SMURF1: variants seen among roughly 807,000 people sequenced by gnomAD.
The protein encoded by SMURF1 is SMAD specific E3 ubiquitin protein ligase 1.
A neutral mutation model predicts 98.0 loss-of-function variants in SMURF1; 44 were observed. That is an observed-to-expected ratio of 0.45 (90% CI 0.35 to 0.58). The LOEUF (loss-of-function observed/expected upper bound fraction) is 0.58, where lower values mean the gene tolerates loss of function less well. Among genes scored for constraint, SMURF1 ranks in the 20% least tolerant of loss-of-function variants. SMURF1 has a pLI of 0.00. For missense variants in SMURF1, 687 were observed against 938.4 expected, an observed-to-expected ratio of 0.73 and a Z score of 3.50; for synonymous variants, 396 against 374.9, an observed-to-expected ratio of 1.06 and a Z score of -0.65.
In SMURF1 at chr7:99,119,003, A is replaced by AT. The variant is rs67705340; in HGVS notation, c.55+24722dup. ...AGCCTCCTGAGAAGCTAACATGCCA[A>AT]TTTTTTTTTTTTTTTTTTTTTTTTT... On this transcript the variant is annotated intron_variant, in intron 1 of 17. Coordinates refer to ENST00000361368, the MANE Select transcript of SMURF1 (RefSeq NM_181349.3). Among the ~76,000 whole-genome samples the AT allele has an allele frequency of 6.1e-4, 26 of 42,928 alleles. 1 individual carries two copies. Among genetic ancestry groups the AT allele is most frequent in the African/African-American group, 2.1e-3 (19 of 9,206 alleles). The allele number at this position is 42,928 out of a possible 152,430, so 28.2% of individuals were successfully genotyped here. A position where few individuals can be genotyped will look rare whatever the true frequency, so the allele number is the denominator to read the frequency against.
intron 16 of SMURF1, among the ~76,000 whole-genome samples, chr7:99,033,830 G>A (rs149665090): frequency 1.1e-3 from 163 of 152,304 alleles, no homozygotes; most frequent in African/African-American, 3.7e-3. Context: ...AGCCCCAAGT[G>A]AGCACCAGGC....
intron 6 of SMURF1, 112 bp downstream of exon 6, chr7:99,054,678 T>C: frequency 2.4e-6 from 2 of 840,258 alleles, no homozygotes; most frequent in Non-Finnish European, 3.9e-6. Context: ...ACATCCTTTA[T>C]GCATCTCAAG....
At chr7:99,067,953 C>A (rs907261723) in intron 1 of SMURF1, among the ~76,000 whole-genome samples, 1 of 152,052 alleles carries the variant, frequency 6.6e-6, no homozygotes, top group African/African-American at 2.4e-5. Flanking sequence ...GACTATCCCC[C>A]CCACCAAAAA....
chr7:99,123,348 C>A (rs955977835), intron 1 of SMURF1, among the ~76,000 whole-genome samples: 2 of 152,068 alleles, frequency 1.3e-5, no homozygotes, highest in Non-Finnish European at 2.9e-5. Flanking sequence ...GCCTGGGCAA[C>A]ATTGTGAGAC....
At chr7:99,047,407 A>G (rs1020512734) in intron 10 of SMURF1, among the ~76,000 whole-genome samples, 1 of 152,200 alleles carries the variant, frequency 6.6e-6, no homozygotes, top group Non-Finnish European at 1.5e-5. Flanking sequence ...CCTAGAGGTG[A>G]AACTATTTAG....
At chr7:99,091,380 C>T (rs1056585000) in intron 1 of SMURF1, among the ~76,000 whole-genome samples, 2 of 152,150 alleles carry the variant, frequency 1.3e-5, no homozygotes, top group African/African-American at 2.4e-5. Flanking sequence ...GAAATTGCTA[C>T]GTTGTAGTCT....
At chr7:99,063,978 A>C (rs1796130659) in intron 1 of SMURF1, among the ~76,000 whole-genome samples, 1 of 152,102 alleles carries the variant, frequency 6.6e-6, no homozygotes, top group Non-Finnish European at 1.5e-5. Flanking sequence ...TGACATCACG[A>C]AGTGGTGTTA....
At chr7:99,036,931 G>T in intron 15 of SMURF1, 136 bp downstream of exon 15, 2 of 1,304,590 alleles carry the variant, frequency 1.5e-6, no homozygotes, top group Non-Finnish European at 2.1e-6. Flanking sequence ...TCCAGCCCTG[G>T]CTCTAGTCTG....
intron 1 of SMURF1, among the ~76,000 whole-genome samples, chr7:99,112,415 C>T (rs1797345365): frequency 6.6e-6 from 1 of 152,126 alleles, no homozygotes; most frequent in African/African-American, 2.4e-5. Flanking sequence ...GAAGAGAGGC[C>T]TCTGTGGCCA....
At chr7:99,128,710 G>A (rs561822880) in intron 1 of SMURF1, among the ~76,000 whole-genome samples, 1 of 152,288 alleles carries the variant, frequency 6.6e-6, no homozygotes, top group Non-Finnish European at 1.5e-5. Flanking sequence ...TATCAAAGGT[G>A]TTTACCTAAG....
intron 1 of SMURF1, among the ~76,000 whole-genome samples, chr7:99,066,825 C>T (rs973394555): frequency 1.3e-5 from 2 of 151,308 alleles, no homozygotes; most frequent in South Asian, 4.2e-4. Context: ...GCTTCAATTC[C>T]CTGTAAGGAT....
intron 3 of SMURF1, among the ~76,000 whole-genome samples, chr7:99,059,409 AAATAAAATAAAATAAAATAAAAT>A (rs1795972071): frequency 8.8e-5 from 3 of 33,954 alleles, no homozygotes; most frequent in South Asian, 1.2e-3. Context: ...AAAAAAAATA[AAATAAAATAAAATAAAATAAAAT>A]AAAATAAAAT....
At chr7:99,033,958 T>G (rs1190863394) in intron 16 of SMURF1, among the ~76,000 whole-genome samples, 2 of 152,218 alleles carry the variant, frequency 1.3e-5, no homozygotes, top group Admixed American at 6.5e-5. Context: ...CTCCTGTGTA[T>G]TCACAGATAC....
At position 99,084,632 on chromosome 7, in the gene SMURF1, C is replaced by G. The variant is rs577364316; in HGVS notation, c.56-22795G>C. ...TCTCTTGGCCTCATGATCCACCCAC[C>G]TCGGCCTCCCAAAGTGCTGGAATTA... On this transcript the variant is annotated intron_variant, in intron 1 of 17. Transcript: ENST00000361368. Among the ~76,000 whole-genome samples, 4 of 152,266 alleles carry G rather than the reference C, an allele frequency of 2.6e-5. No individual in the cohort carries two copies. The South Asian group carries it at 8.3e-4, about 32-fold the overall frequency.
chr7:99,056,227 G>A (rs1452974786), intron 5 of SMURF1, among the ~76,000 whole-genome samples: 1 of 152,114 alleles, frequency 6.6e-6, no homozygotes, highest in Non-Finnish European at 1.5e-5. Flanking sequence ...GGTCTACACA[G>A]GACAATACCT....
At chr7:99,109,561 T>A (rs1005009194) in intron 1 of SMURF1, among the ~76,000 whole-genome samples, 6 of 152,188 alleles carry the variant, frequency 3.9e-5, no homozygotes, top group Non-Finnish European at 7.3e-5. Context: ...TAACACCATC[T>A]CTTATTTTTC....
At chr7:99,097,960 A>G (rs1342021714) in intron 1 of SMURF1, among the ~76,000 whole-genome samples, 6 of 152,244 alleles carry the variant, frequency 3.9e-5, no homozygotes, top group Non-Finnish European at 1.5e-5. Context: ...TTCTCTACCC[A>G]GCAAAAATAG....
In SMURF1 at chr7:99,110,733, T is replaced by G. The variant is rs528724961; in HGVS notation, c.55+32993A>C. ...AATCTTACTCTGGCAATGTCGTCCATAGACAAACTGGCACATGTAAAGAAA... is the reference window on the plus strand; with the variant it reads ...AATCTTACTCTGGCAATGTCGTCCAGAGACAAACTGGCACATGTAAAGAAA... On this transcript the variant is annotated intron_variant, in intron 1 of 17. Coordinates refer to ENST00000361368, the MANE Select transcript of SMURF1 (RefSeq NM_181349.3). Among the ~76,000 whole-genome samples the G allele has an allele frequency of 3.3e-5, 5 of 152,310 alleles. No homozygotes were observed. The East Asian group carries it at 9.6e-4, about 29-fold the overall frequency.
chr7:99,075,978 G>A (rs1176445713), intron 1 of SMURF1, among the ~76,000 whole-genome samples: 1 of 152,184 alleles, frequency 6.6e-6, no homozygotes, highest in Non-Finnish European at 1.5e-5. Flanking sequence ...CTGAACACAC[G>A]TATATAATTA....
Sources: gnomAD v4.1 joint callset for allele counts (sites outside exome capture counted in the v4.1 genomes callset) on GRCh38, gnomAD v4.1.1 for gene constraint, MANE v1.5 for transcripts, NCBI Gene and HGNC (gene_info 2026-07-23, HGNC 2026-07-21) for gene names.